The following METTL15 variants were observed in gnomAD, a reference collection of about 807,000 sequenced individuals.
METTL15 encodes the protein 12S rRNA N(4)-cytidine methyltransferase METTL15.
Under a neutral mutation model 38.3 loss-of-function variants are expected in METTL15, and 34 were observed. The ratio of observed to expected loss-of-function variants is 0.89; its 90% confidence interval spans 0.68 to 1.18. The LOEUF (loss-of-function observed/expected upper bound fraction) is 1.18. METTL15 is among the 50% of genes most tolerant of loss of function. The pLI, the probability that METTL15 is intolerant of heterozygous loss-of-function variation, is 0.00. For missense variants in METTL15, 438 were observed against 498.4 expected (o/e 0.88, Z 1.15); for synonymous variants, 162 against 170.9 (o/e 0.95, Z 0.41).
intron 6 of METTL15, among the ~76,000 whole-genome samples, chr11:28,318,458 T>C (rs1849347287): frequency 6.6e-6 from 1 of 152,082 alleles, no homozygotes; most frequent in Non-Finnish European, 1.5e-5. Flanking sequence ...AGGGAGGCAT[T>C]CTAGGCCGAA....
intron 4 of METTL15, among the ~76,000 whole-genome samples, chr11:28,249,436 ACT>A (rs1200844626): frequency 2.0e-5 from 3 of 151,954 alleles, no homozygotes; most frequent in African/African-American, 7.2e-5. Context: ...TACTCCAGTG[ACT>A]CAACCCGATA....
rs1015109709 is a variant in METTL15, at chr11:28,332,085, A to G, written c.*1244A>G. The G allele has an allele frequency of 2.3e-5, 3 of 127,912 alleles. No homozygotes were observed. The highest frequency in any genetic ancestry group is 3.2e-5 in the Non-Finnish European group (2 of 62,758). 7.9% of individuals were successfully genotyped at this position (127,912 alleles called of 1,614,324 possible). A position where few individuals can be genotyped will look rare whatever the true frequency, so the allele number is the denominator to read the frequency against. ...CAGCATAACTATGTGGGCAAAATAG[A>G]TAGAATTAAATGCATGAATTTTCCT... On this transcript the variant is annotated 3_prime_UTR_variant, in exon 7 of 7. Transcript: ENST00000407364.
At chr11:28,285,392 C>T (rs1318327678) in intron 4 of METTL15, among the ~76,000 whole-genome samples, 9 of 150,350 alleles carry the variant, frequency 6.0e-5, no homozygotes, top group African/African-American at 2.2e-4. Flanking sequence ...CATTAGTTAT[C>T]CTTAGTGTTA....
chr11:28,148,080 A>AC (rs1486141868), intron 3 of METTL15, among the ~76,000 whole-genome samples: 1 of 151,880 alleles, frequency 6.6e-6, no homozygotes, highest in Non-Finnish European at 1.5e-5. Flanking sequence ...GGCCAGAACC[A>AC]CATTACCAAT....
At chr11:28,294,514 C>G (rs892160483) in intron 5 of METTL15, among the ~76,000 whole-genome samples, 4 of 152,154 alleles carry the variant, frequency 2.6e-5, no homozygotes, top group African/African-American at 9.6e-5. Flanking sequence ...AGTAAGGTTT[C>G]TCATGTAGAA....
chr11:28,523,190 T>G (rs1320052644), intron 6 of METTL15, among the ~76,000 whole-genome samples: 1 of 152,230 alleles, frequency 6.6e-6, no homozygotes, highest in African/African-American at 2.4e-5. Flanking sequence ...AAAGCTATCA[T>G]CAAACCTATT....
intron 3 of METTL15, among the ~76,000 whole-genome samples, chr11:28,162,203 C>G (rs1280700173): frequency 6.6e-6 from 1 of 152,058 alleles, no homozygotes; most frequent in South Asian, 2.1e-4. Flanking sequence ...GGCAGCCAGG[C>G]TCTAGAGCCT....
intron 3 of METTL15, among the ~76,000 whole-genome samples, chr11:28,117,400 A>G (rs1446074902): frequency 6.6e-6 from 1 of 151,634 alleles, no homozygotes; most frequent in Non-Finnish European, 1.5e-5. Context: ...AGTTTATTAA[A>G]CCCTAGTAAC....
chr11:28,354,307 C>T (rs1195567534), intron 4 of METTL15, among the ~76,000 whole-genome samples: 5 of 152,148 alleles, frequency 3.3e-5, no homozygotes, highest in African/African-American at 7.2e-5. Context: ...TTTTCCCTGT[C>T]CCAACCTGGT....
intron 3 of METTL15, chr11:28,163,516 C>T (rs1029814197): frequency 5.8e-5 from 23 of 396,916 alleles, no homozygotes; most frequent in Non-Finnish European, 9.3e-5. Context: ...TAATAAGATG[C>T]TTCTTCTTAC....
chr11:28,222,854 A>G (rs1233857969), intron 4 of METTL15, among the ~76,000 whole-genome samples: 12 of 152,232 alleles, frequency 7.9e-5, no homozygotes, highest in Non-Finnish European at 1.8e-4. Context: ...AAAGATTGAT[A>G]TCTACTATAT....
intron 6 of METTL15, among the ~76,000 whole-genome samples, chr11:28,471,620 T>G (rs1351558540): frequency 6.6e-6 from 1 of 152,160 alleles, no homozygotes; most frequent in Non-Finnish European, 1.5e-5. Context: ...GCTTTTCTGC[T>G]AAATCTTTTG....
At chr11:28,510,318 AAT>A (rs1232349187) in intron 6 of METTL15, among the ~76,000 whole-genome samples, 1 of 152,244 alleles carries the variant, frequency 6.6e-6, no homozygotes, top group East Asian at 1.9e-4. Flanking sequence ...GATATTAAAA[AAT>A]ATGTTTTGCA....
chr11:28,470,194 G>A (rs1297684930), intron 6 of METTL15, among the ~76,000 whole-genome samples: 1 of 152,092 alleles, frequency 6.6e-6, no homozygotes, highest in Non-Finnish European at 1.5e-5. Flanking sequence ...CAATACATTT[G>A]CAGTGAATGC....
At chr11:28,120,717 T>C (rs1483857) in intron 3 of METTL15, among the ~76,000 whole-genome samples, 4 of 152,176 alleles carry the variant, frequency 2.6e-5, no homozygotes, top group Admixed American at 1.3e-4. Flanking sequence ...TCTGTGCCCT[T>C]ATACTTGCCC....
chr11:28,521,632 C>T (rs1170733318), intron 6 of METTL15, among the ~76,000 whole-genome samples: 1 of 152,042 alleles, frequency 6.6e-6, no homozygotes, highest in Admixed American at 6.6e-5. Flanking sequence ...CAGCGCTGAC[C>T]TTGGGCTCCC....
chr11:28,111,393 C>T (rs1474516235), intron 2 of METTL15, among the ~76,000 whole-genome samples: 3 of 152,126 alleles, frequency 2.0e-5, no homozygotes, highest in African/African-American at 7.2e-5. Context: ...TTCCAGAGTT[C>T]ACTTTTTAGG....
intron 6 of METTL15, among the ~76,000 whole-genome samples, chr11:28,492,265 G>A (rs1022534488): frequency 1.3e-5 from 2 of 152,066 alleles, no homozygotes; most frequent in African/African-American, 4.8e-5. Context: ...AGCAGTTTGT[G>A]GTGTCTTCCT....
intron 6 of METTL15, among the ~76,000 whole-genome samples, chr11:28,446,069 G>A (rs1382433927): frequency 6.6e-6 from 1 of 152,110 alleles, no homozygotes; most frequent in Non-Finnish European, 1.5e-5. Context: ...TGTCCAGATT[G>A]AGCTGGGCTC....
Sources: gnomAD v4.1 joint callset for allele counts (sites outside exome capture counted in the v4.1 genomes callset) on GRCh38, gnomAD v4.1.1 for gene constraint, MANE v1.5 for transcripts, NCBI Gene and HGNC (gene_info 2026-07-23, HGNC 2026-07-21) for gene names.